LINC00237: variants seen among roughly 807,000 people sequenced by gnomAD.
The protein encoded by LINC00237 is long intergenic non-protein coding RNA 237.
intron 1 of LINC00237, among the ~76,000 whole-genome samples, chr20:21,104,462 T>C (rs1393671370): frequency 1.3e-5 from 2 of 152,232 alleles, no homozygotes; most frequent in Non-Finnish European, 2.9e-5. Context: ...ATAAATCCTC[T>C]TTAGTTACCA....
intron 1 of LINC00237, among the ~76,000 whole-genome samples, chr20:21,103,172 G>A (rs568474648): frequency 1.3e-5 from 2 of 152,386 alleles, no homozygotes; most frequent in South Asian, 2.1e-4. Flanking sequence ...AACGCTGCAA[G>A]CAATGTGGCA....
In LINC00237 at chr20:21,101,274, G is replaced by A. The variant is rs1016237685; in HGVS notation, n.88+4997C>T. ...CGTACAGGGAGCGCGAGCGAGGGAG[G>A]GAGCGCCGGCGAGGGAGGGAGCGCG... On this transcript the variant is annotated intron_variant and non_coding_transcript_variant, in intron 1 of 3. Transcript: ENST00000691244. The surrounding 1 kb of genome is among the most constrained non-coding windows in gnomAD (Gnocchi z 4.3). 2 of 152,208 alleles carry A rather than the reference G, an allele frequency of 1.3e-5. No homozygotes were observed. Among genetic ancestry groups the A allele is most frequent in the Non-Finnish European group, 2.9e-5 (2 of 68,074 alleles). 9.4% of individuals were successfully genotyped at this position (152,208 alleles called of 1,614,324 possible).
At chr20:21,104,586 C>T (rs1600315863) in intron 1 of LINC00237, among the ~76,000 whole-genome samples, 2 of 152,244 alleles carry the variant, frequency 1.3e-5, no homozygotes, top group South Asian at 4.1e-4. Flanking sequence ...GCCCAGGACG[C>T]GGGGCAGCTT....
intron 2 of LINC00237, among the ~76,000 whole-genome samples, chr20:21,088,505 C>T (rs924654583): frequency 1.3e-5 from 2 of 152,200 alleles, no homozygotes; most frequent in East Asian, 3.8e-4. Flanking sequence ...TATTCTTTCT[C>T]AGGACAATTG....
At chr20:21,098,779 A>T (rs1233018437) in intron 1 of LINC00237, among the ~76,000 whole-genome samples, 1 of 152,256 alleles carries the variant, frequency 6.6e-6, no homozygotes, top group Non-Finnish European at 1.5e-5. Flanking sequence ...TCCTCCTCGA[A>T]CATCCTATTA....
chr20:21,086,623 ATATATAGTATAC>A (rs1259273300), intron 3 of LINC00237, among the ~76,000 whole-genome samples: 2 of 133,968 alleles, frequency 1.5e-5, no homozygotes, highest in East Asian at 4.2e-4. Flanking sequence ...ATAGTATACT[ATATATAGTATAC>A]TATATATAGT....
chr20:21,098,401 A>C (rs750395919), intron 1 of LINC00237, among the ~76,000 whole-genome samples: 16 of 152,242 alleles, frequency 1.1e-4, no homozygotes, highest in Non-Finnish European at 1.9e-4. Flanking sequence ...GAAAATGTTG[A>C]AAATAGAAAT....
intron 3 of LINC00237, among the ~76,000 whole-genome samples, chr20:21,086,583 T>C (rs953123582): frequency 8.9e-6 from 1 of 112,534 alleles, no homozygotes; most frequent in Non-Finnish European, 1.9e-5. Context: ...ATAGTGTATA[T>C]ATAGTATACA....
intron 1 of LINC00237, among the ~76,000 whole-genome samples, chr20:21,105,162 C>G (rs576939124): frequency 6.6e-6 from 1 of 152,326 alleles, no homozygotes; most frequent in Non-Finnish European, 1.5e-5. Context: ...GGTCCCCTTT[C>G]GAATGCCATT....
intron 1 of LINC00237, among the ~76,000 whole-genome samples, chr20:21,103,854 T>C (rs552282270): frequency 6.4e-4 from 98 of 152,294 alleles, no homozygotes; most frequent in Non-Finnish European, 1.3e-3. Context: ...TAGACTTGAG[T>C]GATCTTGTGG....
chr20:21,103,243 G>T (rs2030956784), intron 1 of LINC00237, among the ~76,000 whole-genome samples: 1 of 152,228 alleles, frequency 6.6e-6, no homozygotes, highest in African/African-American at 2.4e-5. Flanking sequence ...ACACGAAAGC[G>T]CCTTGTGGCT....
At position 21,106,354 on chromosome 20, in the gene LINC00237, C is replaced by A. The variant is rs140813687; in HGVS notation, n.5G>T. The A allele has an allele frequency of 6.0e-3, 907 of 152,340 alleles. 4 individuals are homozygous for A. The highest frequency in any genetic ancestry group is 7.2e-3 in the Non-Finnish European group (488 of 68,054). The allele number at this position is 152,340 out of a possible 1,614,324, so 9.4% of individuals were successfully genotyped here. ...AGGGGGCTCCGCGCGCAGCCCAGTC[C>A]GGTTAGCTGGTCGGCGTCGGCGGGG... On this transcript the variant is annotated non_coding_transcript_exon_variant, in exon 1 of 4. Transcript: ENST00000691244.
chr20:21,097,120 A>G (rs192926204), intron 1 of LINC00237, among the ~76,000 whole-genome samples: 1 of 152,244 alleles, frequency 6.6e-6, no homozygotes, highest in Admixed American at 6.5e-5. Flanking sequence ...TCTCTGAAGA[A>G]CCTGAACTTG....
intron 1 of LINC00237, among the ~76,000 whole-genome samples, chr20:21,098,689 T>G (rs117991350): frequency 0.013 from 2,022 of 152,300 alleles, 19 homozygotes; most frequent in Non-Finnish European, 0.021. Context: ...GTCAGCAGTA[T>G]AGGAAATAGA....
At chr20:21,087,252 A>G (rs2030725347) in intron 3 of LINC00237, among the ~76,000 whole-genome samples, 1 of 151,770 alleles carries the variant, frequency 6.6e-6, no homozygotes, top group Non-Finnish European at 1.5e-5. Context: ...GGATCTTGGC[A>G]TTTTTCTTTT....
chr20:21,105,558 G>A (rs1318297817), intron 1 of LINC00237, among the ~76,000 whole-genome samples: 1 of 152,152 alleles, frequency 6.6e-6, no homozygotes, highest in Non-Finnish European at 1.5e-5. Context: ...GAGCGCCGCC[G>A]GCCCCCTCAC....
chr20:21,094,466 G>A (rs2030830458), intron 1 of LINC00237, among the ~76,000 whole-genome samples: 1 of 152,236 alleles, frequency 6.6e-6, no homozygotes, highest in South Asian at 2.1e-4. Flanking sequence ...AAGTGCCCTA[G>A]GAGTTGAGGG....
intron 2 of LINC00237, among the ~76,000 whole-genome samples, chr20:21,089,251 A>T (rs2030757980): frequency 6.6e-6 from 1 of 151,730 alleles, no homozygotes; most frequent in Non-Finnish European, 1.5e-5. Context: ...GAAATAATTC[A>T]GTGTTGATCC....
intron 3 of LINC00237, among the ~76,000 whole-genome samples, chr20:21,087,356 A>G (rs1398623784): frequency 6.6e-6 from 1 of 151,982 alleles, no homozygotes; most frequent in Non-Finnish European, 1.5e-5. Flanking sequence ...GTTTAATTAA[A>G]CATTCCCCTT....
Sources: allele counts gnomAD v4.1 joint callset (sites outside exome capture counted in the v4.1 genomes callset), GRCh38; gene constraint gnomAD v4.1.1; non-coding constraint Gnocchi (gnomAD v3.1); transcripts MANE v1.5; gene names NCBI Gene and HGNC (gene_info 2026-07-23, HGNC 2026-07-21).